The following RORA variants were observed in gnomAD, a reference collection of about 807,000 sequenced individuals.
The protein encoded by RORA is RAR related orphan receptor A.
RORA carries 7 observed loss-of-function variants against 69.5 expected under a neutral mutation model. The ratio of observed to expected loss-of-function variants is 0.10; its 90% CI spans 0.06 to 0.19. The LOEUF (loss-of-function observed/expected upper bound fraction) is 0.19. RORA is among the 10% of genes least tolerant of loss of function. The pLI is 1.00. For synonymous variants in RORA, 261 were observed against 240.8 expected (o/e 1.08, Z -0.78); for missense variants, 457 against 663.0 (o/e 0.69, Z 3.41).
In RORA at chr15:60,823,931, AT is replaced by A. The variant is rs532914395; in HGVS notation, c.167-145246del. Among the ~76,000 whole-genome samples the A allele has an allele frequency of 4.2e-3, 635 of 152,174 alleles. 4 individuals carry two copies. The highest frequency in any genetic ancestry group is 0.015 in the African/African-American group (615 of 41,516). ...TTGGGGGTGGCCAGCATATTAATAC[AT>A]TTTTTTTGGAGAAATAATAAAGTTT... On this transcript the variant is annotated intron_variant, in intron 1 of 10. Transcript: ENST00000335670.
intron 2 of RORA, among the ~76,000 whole-genome samples, chr15:60,620,407 AT>A (rs575324342): frequency 4.7e-4 from 72 of 152,342 alleles, no homozygotes; most frequent in Non-Finnish European, 8.7e-4. Context: ...CGTCATGAGG[AT>A]CAAATGAGTT....
intron 2 of RORA, among the ~76,000 whole-genome samples, chr15:60,658,363 T>A (rs865828451): frequency 7.2e-5 from 11 of 152,210 alleles, no homozygotes; most frequent in African/African-American, 2.7e-4. Flanking sequence ...CCCATTTTCT[T>A]CTCTTATCCT....
intron 1 of RORA, among the ~76,000 whole-genome samples, chr15:61,015,918 A>G (rs918049346): frequency 2.6e-5 from 4 of 152,212 alleles, no homozygotes; most frequent in Non-Finnish European, 5.9e-5. Flanking sequence ...GTCTGTTTTC[A>G]GTATGATGAA....
rs536964754 is a variant in RORA, at chr15:60,920,513, A to G, written c.167-241827T>C. On this transcript the variant is annotated intron_variant, in intron 1 of 10. Coordinates refer to ENST00000335670, the MANE Select transcript of RORA (RefSeq NM_134261.3). Reference sequence around the variant, plus strand: ...CCCATTTTAGGTCTCTCTTAGGCCTAAAGTCACCAAGCTTTACCAGTACCC... The same window carrying G: ...CCCATTTTAGGTCTCTCTTAGGCCTGAAGTCACCAAGCTTTACCAGTACCC... Among the ~76,000 whole-genome samples the G allele has an allele frequency of 3.2e-4, 49 of 152,312 alleles. 2 individuals are homozygous for G. The East Asian group carries it at 7.7e-3, about 24-fold the overall frequency.
At chr15:60,939,955 C>T (rs1892641404) in intron 1 of RORA, among the ~76,000 whole-genome samples, 2 of 152,086 alleles carry the variant, frequency 1.3e-5, no homozygotes, top group South Asian at 2.1e-4. Flanking sequence ...GTCATGTGCC[C>T]GAAGGCCTAT....
At chr15:60,502,659 T>C (rs984223242) in intron 8 of RORA, 101 bp downstream of exon 8, 1 of 801,576 alleles carries the variant, frequency 1.2e-6, no homozygotes, top group Non-Finnish European at 2.1e-6. Context: ...AATTTTTGTT[T>C]CTAAATAAAG....
rs1043560081 is a variant in RORA, at chr15:60,557,048, T to A, written c.197-25197A>T. 4.1e-6 allele frequency: 3 copies of A among 736,376 alleles called. No individual in the cohort carries two copies. The African/African-American group carries it at 5.3e-5, about 13-fold the overall frequency. The allele number at this position is 736,376 out of a possible 1,614,324, so 45.6% of individuals were successfully genotyped here. On this transcript the variant is annotated intron_variant, in intron 2 of 10. Transcript: ENST00000335670. ...CAATAAGTACCCAAAAAAGTACTGT[T>A]TAGGTAGCCAACTCCCACTGTCTAA...
chr15:60,756,476 T>A (rs62002744), intron 1 of RORA, among the ~76,000 whole-genome samples: 39,796 of 152,180 alleles, frequency 0.26, 6,612 homozygotes, highest in Non-Finnish European at 0.37. Context: ...TAAATATATG[T>A]CAAAGTATTC....
intron 2 of RORA, among the ~76,000 whole-genome samples, chr15:60,629,193 T>TTTTTTC (rs2069672921): frequency 7.0e-6 from 1 of 142,826 alleles, no homozygotes; most frequent in African/African-American, 2.7e-5. Flanking sequence ...TATTCTTTTT[T>TTTTTTC]TTTTTTTTTT....
chr15:60,591,550 A>C (rs2068511835), intron 2 of RORA, among the ~76,000 whole-genome samples: 1 of 150,990 alleles, frequency 6.6e-6, no homozygotes. Context: ...AGTCCTGATG[A>C]GGGCGGAAGG....
At chr15:60,510,027 A>C (rs1352122054) in intron 5 of RORA, among the ~76,000 whole-genome samples, 1 of 152,244 alleles carries the variant, frequency 6.6e-6, no homozygotes, top group Non-Finnish European at 1.5e-5. Context: ...TACTGGAAAT[A>C]TAAATTTTCA....
At chr15:61,152,338 T>C (rs979470542) in intron 1 of RORA, among the ~76,000 whole-genome samples, 8 of 152,038 alleles carry the variant, frequency 5.3e-5, no homozygotes, top group Non-Finnish European at 1.0e-4. Flanking sequence ...TCCCGAGGAA[T>C]ATGAAAAAAC....
At chr15:60,548,280 A>G (rs973101521) in intron 2 of RORA, among the ~76,000 whole-genome samples, 1 of 152,174 alleles carries the variant, frequency 6.6e-6, no homozygotes, top group Non-Finnish European at 1.5e-5. Flanking sequence ...CTGAAATGAA[A>G]ACACTCAGTG....
intron 1 of RORA, among the ~76,000 whole-genome samples, chr15:61,111,707 C>T (rs574979985): frequency 8.6e-4 from 101 of 117,488 alleles, no homozygotes; most frequent in Non-Finnish European, 1.5e-3. Flanking sequence ...CTATCACAGA[C>T]GGAAAATAAA....
intron 2 of RORA, among the ~76,000 whole-genome samples, chr15:60,654,678 A>G (rs560307567): frequency 2.6e-5 from 4 of 152,322 alleles, no homozygotes; most frequent in South Asian, 4.1e-4. Context: ...GGTGGGCTCA[A>G]TGTAATCACA....
At position 60,537,150 on chromosome 15, in the gene RORA, A is replaced by G. The variant is rs190925729; in HGVS notation, c.197-5299T>C. On this transcript the variant is annotated intron_variant, in intron 2 of 10. Coordinates refer to ENST00000335670, the MANE Select transcript of RORA (RefSeq NM_134261.3). The surrounding 1 kb of genome is among the most constrained non-coding windows in gnomAD (Gnocchi z 4.9). Reference sequence around the variant, plus strand: ...GAATGGCGGCCTGGCTTGCGTGTCAAGGTTAGCCGGGGGAGAGCTGCAGAG... The same window carrying G: ...GAATGGCGGCCTGGCTTGCGTGTCAGGGTTAGCCGGGGGAGAGCTGCAGAG... Among the ~76,000 whole-genome samples the G allele has an allele frequency of 1.4e-3, 216 of 152,278 alleles. 3 individuals are homozygous for G. Among genetic ancestry groups the G allele is most frequent in the Admixed American group, 0.01 (154 of 15,298 alleles).
At position 61,128,721 on chromosome 15, in the gene RORA, T is replaced by C. The variant is rs551269386; in HGVS notation, c.166+100332A>G. Among the ~76,000 whole-genome samples, 1 of 152,326 alleles carries C rather than the reference T, an allele frequency of 6.6e-6. No homozygotes were observed. Among genetic ancestry groups the C allele is most frequent in the African/African-American group, 2.4e-5 (1 of 41,570 alleles). On this transcript the variant is annotated intron_variant, in intron 1 of 10. Transcript: ENST00000335670. The surrounding 1 kb of genome is among the most constrained non-coding windows in gnomAD (Gnocchi z 4.5). ...CAGGGAAGGGGAAATAACTCCTGAATTTCCTCCAGGGGAGTAAAAGCAGAT... is the reference window on the plus strand; with the variant it reads ...CAGGGAAGGGGAAATAACTCCTGAACTTCCTCCAGGGGAGTAAAAGCAGAT...
intron 1 of RORA, among the ~76,000 whole-genome samples, chr15:61,212,646 C>T (rs1049578234): frequency 1.3e-5 from 2 of 152,286 alleles, no homozygotes; most frequent in East Asian, 3.9e-4. Flanking sequence ...CCCACCTCAG[C>T]CTCCCAAAGT....
chr15:61,004,041 GA>G (rs1361637353), intron 1 of RORA, among the ~76,000 whole-genome samples: 6 of 152,240 alleles, frequency 3.9e-5, no homozygotes, highest in African/African-American at 1.4e-4. Flanking sequence ...TCCCATTGTG[GA>G]GGGACTAAAG....
Sources: gnomAD v4.1 joint callset for allele counts (sites outside exome capture counted in the v4.1 genomes callset) on GRCh38, gnomAD v4.1.1 for gene constraint, Gnocchi (gnomAD v3.1) non-coding constraint, MANE v1.5 for transcripts, NCBI Gene and HGNC (gene_info 2026-07-23, HGNC 2026-07-21) for gene names.